The following PALM2AKAP2 variants were observed in gnomAD, a reference collection of about 807,000 sequenced individuals.
PALM2AKAP2 encodes the protein PALM2 and AKAP2 fusion, also known as PALM2-AKAP2 fusion protein.
A neutral mutation model predicts 71.5 loss-of-function variants in PALM2AKAP2; 37 were observed. The ratio of observed to expected loss-of-function variants is 0.52; its 90% CI spans 0.40 to 0.68. The LOEUF (loss-of-function observed/expected upper bound fraction) is 0.68, where lower values mean the gene tolerates loss of function less well. PALM2AKAP2 is among the 30% of genes least tolerant of loss of function. PALM2AKAP2 has a pLI of 0.00. For synonymous variants in PALM2AKAP2, 468 were observed against 478.8 expected (o/e 0.98, Z 0.29); for missense variants, 1,224 against 1,191.8 (o/e 1.03, Z -0.40).
intron 3 of PALM2AKAP2, among the ~76,000 whole-genome samples, chr9:109,888,560 A>G (rs1463432609): frequency 1.3e-5 from 2 of 152,018 alleles, no homozygotes; most frequent in Non-Finnish European, 2.9e-5. Context: ...AATACAAAAA[A>G]TTAGCCAGGC....
At position 109,975,182 on chromosome 9, in the gene PALM2AKAP2, G is replaced by A. The variant is rs189369569; in HGVS notation, c.497-40772G>A. Among the ~76,000 whole-genome samples the A allele has an allele frequency of 6.1e-3, 924 of 152,218 alleles. 3 individuals carry two copies. Among genetic ancestry groups the A allele is most frequent in the African/African-American group, 0.021 (858 of 41,528 alleles). On this transcript the variant is annotated intron_variant, in intron 6 of 9. Coordinates refer to the PALM2AKAP2 transcript ENST00000302798. ...AGGGATTGGCTCACTCAATTATGGC[G>A]GTTGAGAAGCCCCACGATCTACTAT...
chr9:110,105,256 C>T (rs1178566015), intron 1 of PALM2AKAP2, among the ~76,000 whole-genome samples: 2 of 152,092 alleles, frequency 1.3e-5, no homozygotes, highest in African/African-American at 4.8e-5. Flanking sequence ...TACTTTTTGC[C>T]AGAAAAGAGC....
chr9:109,865,048 T>G (rs1370832025), intron 1 of PALM2AKAP2, among the ~76,000 whole-genome samples: 2 of 150,932 alleles, frequency 1.3e-5, no homozygotes, highest in Non-Finnish European at 2.9e-5. Flanking sequence ...TAGTTCCTTT[T>G]GCTTGGAATG....
intron 1 of PALM2AKAP2, among the ~76,000 whole-genome samples, chr9:109,829,253 C>T (rs918749015): frequency 2.6e-5 from 4 of 152,206 alleles, no homozygotes; most frequent in Non-Finnish European, 4.4e-5. Flanking sequence ...GTGTAATCAC[C>T]TCCCCTATAA....
chr9:109,841,120 A>AT (rs550558266), intron 1 of PALM2AKAP2, among the ~76,000 whole-genome samples: 1 of 152,206 alleles, frequency 6.6e-6, no homozygotes, highest in South Asian at 2.1e-4. Flanking sequence ...ACCAACCCAA[A>AT]GTCCATCAAT....
chr9:109,957,415 A>C (rs1002041243), intron 6 of PALM2AKAP2, among the ~76,000 whole-genome samples: 4 of 152,160 alleles, frequency 2.6e-5, no homozygotes, highest in Non-Finnish European at 5.9e-5. Flanking sequence ...CGCACAGAAG[A>C]CTTCTTGGTT....
At chr9:109,764,433 C>T (rs1829114232) in intron 1 of PALM2AKAP2, among the ~76,000 whole-genome samples, 1 of 152,114 alleles carries the variant, frequency 6.6e-6, no homozygotes, top group Admixed American at 6.5e-5. Flanking sequence ...TACCTCCCCC[C>T]TAGCCCCCAT....
At chr9:109,739,297 G>T (rs1427460959) in intron 1 of PALM2AKAP2, among the ~76,000 whole-genome samples, 1 of 152,164 alleles carries the variant, frequency 6.6e-6, no homozygotes, top group Non-Finnish European at 1.5e-5. Flanking sequence ...ACTTAAACCA[G>T]TACTCTAAGG....
At chr9:110,152,043 C>G (rs1045090585) in intron 2 of PALM2AKAP2, among the ~76,000 whole-genome samples, 1 of 152,132 alleles carries the variant, frequency 6.6e-6, no homozygotes, top group Non-Finnish European at 1.5e-5. Flanking sequence ...TCGAGACCAG[C>G]CTGGCCAACA....
chr9:109,722,797 C>T (rs969317692), intron 1 of PALM2AKAP2, among the ~76,000 whole-genome samples: 15 of 152,034 alleles, frequency 9.9e-5, no homozygotes, highest in Non-Finnish European at 1.8e-4. Flanking sequence ...AACAAAAACA[C>T]TTTAAATTTT....
intron 5 of PALM2AKAP2, 55 bp downstream of exon 5, chr9:109,925,137 G>T: frequency 2.5e-6 from 4 of 1,611,744 alleles, no homozygotes; most frequent in Non-Finnish European, 3.4e-6. Context: ...GTCAGCTTAG[G>T]GGGTTTCATT....
exon 4 of PALM2AKAP2, chr9:110,170,164 C>T (rs1352844348): frequency 1.3e-5 from 2 of 151,928 alleles, no homozygotes; most frequent in Non-Finnish European, 2.9e-5. Context: ...TAATTGGGTG[C>T]CCTAAATTTC....
intron 6 of PALM2AKAP2, among the ~76,000 whole-genome samples, chr9:109,985,294 A>T (rs1832351651): frequency 6.6e-6 from 1 of 152,174 alleles, no homozygotes; most frequent in Non-Finnish European, 1.5e-5. Flanking sequence ...ATCCATAATG[A>T]GGTAAAATGT....
chr9:110,012,240 C>T (rs1222073349), intron 6 of PALM2AKAP2, among the ~76,000 whole-genome samples: 4 of 151,998 alleles, frequency 2.6e-5, no homozygotes, highest in Non-Finnish European at 5.9e-5. Flanking sequence ...TTTCAGTGAG[C>T]CGAGATAGTG....
chr9:109,869,441 G>T (rs1006246292), intron 2 of PALM2AKAP2, among the ~76,000 whole-genome samples: 2 of 151,690 alleles, frequency 1.3e-5, no homozygotes. Context: ...CCATTCTCCT[G>T]CCTCAGCCTC....
chr9:110,105,887 G>A (rs1194229195), intron 1 of PALM2AKAP2, among the ~76,000 whole-genome samples: 1 of 152,194 alleles, frequency 6.6e-6, no homozygotes, highest in Non-Finnish European at 1.5e-5. Flanking sequence ...GGAATTAAAT[G>A]TAATGTTGTA....
At chr9:109,685,446 GT>G (rs560877188) in intron 1 of PALM2AKAP2, among the ~76,000 whole-genome samples, 1 of 151,708 alleles carries the variant, frequency 6.6e-6, no homozygotes, top group East Asian at 1.9e-4. Flanking sequence ...AGTCACACAA[GT>G]TTTTTTTGGT....
intron 6 of PALM2AKAP2, among the ~76,000 whole-genome samples, chr9:109,968,262 G>A (rs1448253319): frequency 6.6e-6 from 1 of 152,186 alleles, no homozygotes; most frequent in African/African-American, 2.4e-5. Flanking sequence ...TGCAACTTGA[G>A]GCCCTCGCGT....
intron 1 of PALM2AKAP2, among the ~76,000 whole-genome samples, chr9:110,104,294 T>C (rs574829756): frequency 1.3e-5 from 2 of 152,250 alleles, no homozygotes; most frequent in Admixed American, 1.3e-4. Context: ...AATTGAAAGT[T>C]AAATTGAAAC....
Sources: gnomAD v4.1 joint callset for allele counts (sites outside exome capture counted in the v4.1 genomes callset) on GRCh38, gnomAD v4.1.1 for gene constraint, MANE v1.5 for transcripts, NCBI Gene and HGNC (gene_info 2026-07-23, HGNC 2026-07-21) for gene names.